Variants in LRP1B observed in about 807,000 individuals in gnomAD.
The protein encoded by LRP1B is low-density lipoprotein receptor-related protein 1B.
In LRP1B, 217 loss-of-function variants were observed where a neutral mutation model predicts 556.6. That is an observed-to-expected ratio of 0.39 (90% CI 0.35 to 0.44). The LOEUF is 0.44. Ranked by LOEUF, LRP1B falls within the 20% of genes least tolerant of loss-of-function variation. LRP1B has a pLI of 1.00. For missense variants in LRP1B, 5,053 were observed against 5,620.8 expected (o/e 0.90, Z 3.23); for synonymous variants, 2,047 against 1,865.8 (o/e 1.10, Z -2.50).
At chr2:141,761,125 T>A (rs565408784) in intron 2 of LRP1B, among the ~76,000 whole-genome samples, 1 of 152,278 alleles carries the variant, frequency 6.6e-6, no homozygotes, top group Admixed American at 6.5e-5. Context: ...ACCTCATTGT[T>A]AGGAAACACT....
chr2:140,513,578 TAAA>T (rs1352489940), intron 51 of LRP1B, among the ~76,000 whole-genome samples: 1 of 151,976 alleles, frequency 6.6e-6, no homozygotes. Context: ...GCTGTGTAAA[TAAA>T]AAGTAGATTT....
Position 140,364,737 on chromosome 2 carries a change from G to C in LRP1B, c.11055C>G (p.Leu3685=), listed in dbSNP as rs1263562777. 6.2e-7 allele frequency: 1 copy of C among 1,610,042 alleles called. No homozygotes were observed. The highest frequency in any genetic ancestry group is 8.5e-7 in the Non-Finnish European group (1 of 1,177,210). ...CACACACCCAGAAATGTAGTTTGCA[G>C]AGAGAATTATTGCAAAGGAACTCAT... ...RADEFLCNNS[L]CKLHFWVCDG... Residue 3685 remains leucine (L), a synonymous_variant, in exon 72 of 91, where the codon CTC becomes CTG. Transcript: ENST00000389484.
rs2104916616 is a variant in LRP1B at position 140,509,919 on chromosome 2, T to C, written c.8398+9A>G. 1 of 1,611,606 alleles carries C rather than the reference T, an allele frequency of 6.2e-7. No homozygotes were observed. The highest frequency in any genetic ancestry group is 8.5e-7 in the Non-Finnish European group (1 of 1,179,222). On this transcript the variant is annotated intron_variant, in intron 52 of 90. Transcript: ENST00000389484. ...TTCTTTGACATGCAGCCCTGGCCAG[T>C]GTTCATACCGCAGCCTGCTGTGGAA...
chr2:141,045,883 G>A (rs146110764), intron 11 of LRP1B, among the ~76,000 whole-genome samples: 6 of 152,094 alleles, frequency 3.9e-5, no homozygotes, highest in East Asian at 1.9e-4. Context: ...TAAATATCTC[G>A]TCTTTATGGA....
chr2:140,850,890 A>G (rs1372138826), intron 28 of LRP1B, among the ~76,000 whole-genome samples: 2 of 152,120 alleles, frequency 1.3e-5, no homozygotes, highest in Non-Finnish European at 2.9e-5. Context: ...TCCTTGCACT[A>G]CATTTGTAAA....
At chr2:141,542,472 T>C (rs1334135915) in intron 2 of LRP1B, among the ~76,000 whole-genome samples, 2 of 152,074 alleles carry the variant, frequency 1.3e-5, no homozygotes, top group African/African-American at 2.4e-5. Flanking sequence ...CATATAATGT[T>C]TAAGCAAATT....
Position 140,683,454 on chromosome 2 carries a change from A to T in LRP1B, c.6799+16796T>A, listed in dbSNP as rs888414602. On this transcript the variant is annotated intron_variant, in intron 41 of 90. Coordinates refer to ENST00000389484, the MANE Select transcript of LRP1B (RefSeq NM_018557.3). ...ATAGTGCCACCTGGGGTCATAGATC[A>T]TGTCTCCTTTTGGGGCACAGCTGAC... The T allele has an allele frequency of 5.4e-6, 3 of 552,308 alleles. No homozygotes were observed. In the African/African-American group the frequency reaches 5.8e-5, roughly 11 times the overall value. The allele number at this position is 552,308 out of a possible 1,614,324, so 34.2% of individuals were successfully genotyped here.
rs3748869 is a variant in LRP1B at position 140,450,742 on chromosome 2, C to T, written c.9964-81G>A. 4.6e-5 allele frequency: 41 copies of T among 896,224 alleles called. 1 individual carries two copies. The East Asian group carries it at 1.1e-3, about 23-fold the overall frequency. 55.5% of individuals were successfully genotyped at this position (896,224 alleles called of 1,614,324 possible). A position where few individuals can be genotyped will look rare whatever the true frequency, so the allele number is the denominator to read the frequency against. On this transcript the variant is annotated intron_variant, in intron 62 of 90. Coordinates refer to ENST00000389484, the MANE Select transcript of LRP1B (RefSeq NM_018557.3). ...GATAATTTAAAATTTGGCAACACAG[C>T]CTAGTCTACTTTTTTGCTGCAGATG...
chr2:141,149,186 GT>G (rs964409034), intron 7 of LRP1B, among the ~76,000 whole-genome samples: 77 of 151,090 alleles, frequency 5.1e-4, no homozygotes, highest in Middle Eastern at 3.5e-3. Context: ...AATAAAAAGG[GT>G]TTTTTTTGTT....
chr2:140,889,662 T>C (rs1290379439), intron 23 of LRP1B, among the ~76,000 whole-genome samples: 1 of 152,144 alleles, frequency 6.6e-6, no homozygotes, highest in African/African-American at 2.4e-5. Flanking sequence ...TGGGTGATGT[T>C]GTTACCCCCA....
intron 2 of LRP1B, among the ~76,000 whole-genome samples, chr2:141,596,186 T>C (rs1237692805): frequency 6.6e-6 from 1 of 152,040 alleles, no homozygotes; most frequent in Non-Finnish European, 1.5e-5. Context: ...TATACATCTT[T>C]GACTCAATTT....
intron 3 of LRP1B, among the ~76,000 whole-genome samples, chr2:141,395,248 C>T (rs1405902274): frequency 6.6e-6 from 1 of 152,096 alleles, no homozygotes; most frequent in Non-Finnish European, 1.5e-5. Context: ...GAGCAACTTT[C>T]AGTCCTGCCA....
At chr2:141,428,119 T>G (rs1680435722) in intron 3 of LRP1B, among the ~76,000 whole-genome samples, 1 of 152,222 alleles carries the variant, frequency 6.6e-6, no homozygotes, top group African/African-American at 2.4e-5. Flanking sequence ...CACTACCATT[T>G]TTTTATGGTT....
At chr2:141,647,939 A>T (rs355568) in intron 2 of LRP1B, among the ~76,000 whole-genome samples, 138,358 of 151,564 alleles carry the variant, frequency 0.91, 63,222 homozygotes, top group African/African-American at 0.95. Context: ...AAGAAAAAAA[A>T]TTTTTTAATC....
intron 3 of LRP1B, among the ~76,000 whole-genome samples, chr2:141,337,019 G>T (rs2105507346): frequency 6.6e-6 from 1 of 152,112 alleles, no homozygotes; most frequent in East Asian, 1.9e-4. Context: ...CAGGTTTCTG[G>T]GTAAACAAAA....
intron 3 of LRP1B, among the ~76,000 whole-genome samples, chr2:141,445,873 G>C (rs1390619174): frequency 1.3e-5 from 2 of 152,190 alleles, no homozygotes; most frequent in Admixed American, 1.3e-4. Context: ...GCAACGTGGT[G>C]CTGAGAAGAA....
chr2:141,380,822 G>A (rs1275056957), intron 3 of LRP1B, among the ~76,000 whole-genome samples: 1 of 152,070 alleles, frequency 6.6e-6, no homozygotes, highest in Non-Finnish European at 1.5e-5. Flanking sequence ...GGCGTTAATG[G>A]GACTTGTCAT....
intron 2 of LRP1B, among the ~76,000 whole-genome samples, chr2:141,526,470 C>A (rs1684697159): frequency 6.6e-6 from 1 of 152,056 alleles, no homozygotes; most frequent in African/African-American, 2.4e-5. Flanking sequence ...ATTAATTACT[C>A]TTTGATTCCA....
At position 141,634,033 on chromosome 2, in the gene LRP1B, C is replaced by T. The variant is rs202235293; in HGVS notation, c.206-153500G>A. On this transcript the variant is annotated intron_variant, in intron 2 of 90. Transcript: ENST00000389484. ...AGTAATTATTTCCCACACAGCAATGCTTTCTTTTTTTTTTCAATTTTAACT... is the reference window on the plus strand; with the variant it reads ...AGTAATTATTTCCCACACAGCAATGTTTTCTTTTTTTTTTCAATTTTAACT... 1.7e-4 allele frequency among the ~76,000 whole-genome samples: 25 copies of T among 148,834 alleles called. No homozygotes were observed. The East Asian group carries it at 4.3e-3, about 26-fold the overall frequency.
Sources: gnomAD v4.1 joint callset for allele counts (sites outside exome capture counted in the v4.1 genomes callset) on GRCh38, gnomAD v4.1.1 for gene constraint, MANE v1.5 for transcripts, NCBI Gene and HGNC (gene_info 2026-07-23, HGNC 2026-07-21) for gene names.